AK9: variants seen among roughly 807,000 people sequenced by gnomAD.
The protein encoded by AK9 is adenylate kinase domain containing 1.
A neutral mutation model predicts 239.6 loss-of-function variants in AK9; 191 were observed. The ratio of observed to expected loss-of-function variants is 0.80; its 90% CI spans 0.71 to 0.90. AK9 has a LOEUF of 0.90. AK9 is among the 40% of genes least tolerant of loss of function. The pLI, the probability that AK9 is intolerant of heterozygous loss-of-function variation, is 0.00. For missense variants in AK9, 1,995 were observed against 2,214.7 expected (o/e 0.90, Z 1.99); for synonymous variants, 689 against 721.0 (o/e 0.96, Z 0.71).
intron 8 of AK9, among the ~76,000 whole-genome samples, chr6:109,650,111 A>G (rs184254471): frequency 5.5e-4 from 84 of 152,378 alleles, no homozygotes; most frequent in Non-Finnish European, 8.7e-4. Flanking sequence ...CTTAAATGTT[A>G]GACCTAAAAC....
At chr6:109,497,348 A>ACC in intron 38 of AK9, 117 bp downstream of exon 38, 1 of 623,416 alleles carries the variant, frequency 1.6e-6, no homozygotes, top group Non-Finnish European at 2.8e-6. Context: ...ACACACACAC[A>ACC]CACACACACA....
intron 17 of AK9, among the ~76,000 whole-genome samples, chr6:109,596,718 T>C (rs1326052573): frequency 1.3e-5 from 2 of 152,232 alleles, no homozygotes; most frequent in Admixed American, 6.5e-5. Context: ...CTGGGTTTTA[T>C]ACCACATCTT....
chr6:109,583,909 C>T (rs1789162040), intron 19 of AK9, among the ~76,000 whole-genome samples: 1 of 152,066 alleles, frequency 6.6e-6, no homozygotes, highest in Non-Finnish European at 1.5e-5. Context: ...TTCTCACACA[C>T]TGGAAAAAGA....
chr6:109,564,413 A>G (rs1338950350), intron 22 of AK9, 133 bp from the exon 23 acceptor site: 1 of 610,062 alleles, frequency 1.6e-6, no homozygotes, highest in Admixed American at 3.6e-5. Context: ...AACAATATAC[A>G]TTCATAAATT....
chr6:109,536,443 A>C (rs1412866089), intron 27 of AK9, among the ~76,000 whole-genome samples: 1 of 152,202 alleles, frequency 6.6e-6, no homozygotes, highest in East Asian at 1.9e-4. Flanking sequence ...TGATTTCTGC[A>C]CATTGACTTT....
At chr6:109,557,561 G>C (rs1457653020) in intron 24 of AK9, among the ~76,000 whole-genome samples, 1 of 152,174 alleles carries the variant, frequency 6.6e-6, no homozygotes, top group Non-Finnish European at 1.5e-5. Context: ...ACTCATCTGG[G>C]CTGCCTGGAT....
At chr6:109,566,391 A>T (rs182954215) in intron 21 of AK9, among the ~76,000 whole-genome samples, 1 of 152,286 alleles carries the variant, frequency 6.6e-6, no homozygotes, top group East Asian at 1.9e-4. Flanking sequence ...GAGAGTATTG[A>T]TCCAAAGATT....
intron 12 of AK9, among the ~76,000 whole-genome samples, chr6:109,629,478 G>A (rs1237804228): frequency 2.0e-5 from 3 of 151,976 alleles, no homozygotes; most frequent in African/African-American, 7.2e-5. Context: ...TTGAGACTCC[G>A]TTACTGACAC....
intron 1 of AK9, among the ~76,000 whole-genome samples, chr6:109,677,564 G>A (rs1771940203): frequency 6.6e-6 from 1 of 152,108 alleles, no homozygotes; most frequent in African/African-American, 2.4e-5. Context: ...CATGCATGCA[G>A]GAGTCCTAGC....
chr6:109,535,698 G>A (rs1781881594), intron 27 of AK9, among the ~76,000 whole-genome samples: 1 of 152,078 alleles, frequency 6.6e-6, no homozygotes, highest in Non-Finnish European at 1.5e-5. Context: ...TGTCCTGAAT[G>A]GTATTGCCTA....
At chr6:109,528,584 C>T (rs745553754) in intron 29 of AK9, 1 of 457,672 alleles carries the variant, frequency 2.2e-6, no homozygotes, top group South Asian at 1.5e-5. Context: ...TTACTTTGGC[C>T]CCGCTTCTGC....
At chr6:109,539,508 T>C (rs1412438906) in intron 27 of AK9, among the ~76,000 whole-genome samples, 1 of 152,216 alleles carries the variant, frequency 6.6e-6, no homozygotes, top group Non-Finnish European at 1.5e-5. Flanking sequence ...ATTCGTCTAA[T>C]CTTTTTTCAA....
chr6:109,515,017 A>G (rs1779130816), intron 31 of AK9, among the ~76,000 whole-genome samples: 1 of 152,218 alleles, frequency 6.6e-6, no homozygotes, highest in South Asian at 2.1e-4. Context: ...GGGGACACAG[A>G]TAGAAGGTGG....
intron 10 of AK9, among the ~76,000 whole-genome samples, chr6:109,637,626 T>C (rs1017914793): frequency 2.0e-5 from 3 of 152,220 alleles, no homozygotes; most frequent in Non-Finnish European, 4.4e-5. Context: ...AGAAATTCTG[T>C]TTTAACTGGC....
chr6:109,624,811 C>T (rs573560126), intron 12 of AK9, among the ~76,000 whole-genome samples: 1 of 152,212 alleles, frequency 6.6e-6, no homozygotes, highest in South Asian at 2.1e-4. Flanking sequence ...CTGGTAGCTC[C>T]TACAAGAATT....
Position 109,579,549 on chromosome 6 carries a change from C to T in AK9, c.2191+1G>A, listed in dbSNP as rs905317639. 5.8e-6 allele frequency: 9 copies of T among 1,550,904 alleles called. No homozygotes were observed. The East Asian group carries it at 2.0e-4, about 34-fold the overall frequency. ...CATCAGTCATAGCAATCTGTGCTTG[C>T]CTTTTGCCTTCACTTTCATAAGTTC... On this transcript the variant is annotated splice_donor_variant, in intron 20 of 40. Coordinates refer to ENST00000424296, the MANE Select transcript of AK9 (RefSeq NM_001145128.3). LOFTEE classifies it high-confidence loss of function.
chr6:109,546,979 C>T (rs1582943214), intron 25 of AK9, among the ~76,000 whole-genome samples: 1 of 152,174 alleles, frequency 6.6e-6, no homozygotes, highest in East Asian at 1.9e-4. Context: ...TATGGAAATA[C>T]AGTCAGGATT....
At chr6:109,649,648 G>A in intron 8 of AK9, among the ~76,000 whole-genome samples, 1 of 152,108 alleles carries the variant, frequency 6.6e-6, no homozygotes. Flanking sequence ...TCGTGAAAAT[G>A]GCCATACTGC....
At chr6:109,518,776 A>G (rs1321299326) in intron 29 of AK9, among the ~76,000 whole-genome samples, 11 of 152,156 alleles carry the variant, frequency 7.2e-5, no homozygotes. Context: ...TTTCCATATC[A>G]GAACATACAT....
Sources: gnomAD v4.1 joint callset for allele counts (sites outside exome capture counted in the v4.1 genomes callset) on GRCh38, gnomAD v4.1.1 for gene constraint, MANE v1.5 for transcripts, NCBI Gene and HGNC (gene_info 2026-07-23, HGNC 2026-07-21) for gene names.